Variants in LMBR1L observed in about 807,000 individuals in gnomAD.
LMBR1L encodes the protein limb development membrane protein 1 like.
A neutral mutation model predicts 67.3 loss-of-function variants in LMBR1L; 47 were observed. That is an observed-to-expected ratio of 0.70 (90% CI 0.55 to 0.89). The LOEUF is 0.89. Ranked by LOEUF, LMBR1L falls within the 40% of genes least tolerant of loss-of-function variation. The pLI is 0.00. For synonymous variants in LMBR1L, 247 were observed against 250.3 expected, an observed-to-expected ratio of 0.99 and a Z score of 0.13; for missense variants, 533 against 599.2, an observed-to-expected ratio of 0.89 and a Z score of 1.15.
intron 2 of LMBR1L, chr12:49,106,361 G>A (rs920085019): frequency 2.7e-6 from 1 of 371,220 alleles, no homozygotes; most frequent in African/African-American, 2.1e-5. Context: ...GTCCCCAGGG[G>A]AATTACTCTT....
rs754647057 is a variant in LMBR1L, at chr12:49,104,901, GA to G, written c.192-17del. 1.9e-6 allele frequency: 3 copies of G among 1,605,070 alleles called. No individual in the cohort carries two copies. In the East Asian group the frequency reaches 6.7e-5, roughly 36 times the overall value. On this transcript the variant is annotated splice_polypyrimidine_tract_variant and intron_variant, in intron 3 of 16. Coordinates refer to ENST00000267102, the MANE Select transcript of LMBR1L (RefSeq NM_018113.4). ...CAGCTCGAGCCTGGGCAGAGAAGGG[GA>G]CAGTGTCCTTGCTTAGCTCAGCACT... is the stretch of plus-strand genomic sequence containing the variant.
chr12:49,107,177 G>A lies in LMBR1L; in HGVS notation c.73-132C>T, dbSNP rs78798784. 6,545 of 662,146 alleles carry A rather than the reference G, an allele frequency of 9.9e-3. 298 individuals carry two copies. The African/African-American group carries it at 0.1, about 10-fold the overall frequency. The allele number at this position is 662,146 out of a possible 1,614,324, so 41.0% of individuals were successfully genotyped here. A position where few individuals can be genotyped will look rare whatever the true frequency, so the allele number is the denominator to read the frequency against. On this transcript the variant is annotated intron_variant, in intron 1 of 16. Coordinates refer to ENST00000267102, the MANE Select transcript of LMBR1L (RefSeq NM_018113.4). ...TCCATACTTCCAAGGGTTCCATCTG[G>A]AAGTATGTTCTGTTCTGATCCCCCA...
chr12:49,104,073 G>T, intron 5 of LMBR1L: 1 of 496,714 alleles, frequency 2.0e-6, no homozygotes, highest in South Asian at 3.0e-5. Context: ...GACCTCCGAG[G>T]TCTGCATCCC....
intron 14 of LMBR1L, 47 bp downstream of exon 14, chr12:49,100,509 T>C (rs1940011169): frequency 6.2e-7 from 1 of 1,604,950 alleles, no homozygotes; most frequent in South Asian, 1.1e-5. Context: ...AGGCACCTAG[T>C]GCCCATCCAC....
chr12:49,105,891 A>C, intron 3 of LMBR1L, 33 bp downstream of exon 3: 2 of 1,595,442 alleles, frequency 1.3e-6, no homozygotes. Context: ...CCTAAAGACC[A>C]CTGATGTTAG....
At chr12:49,102,026 G>A in intron 11 of LMBR1L, 94 bp downstream of exon 11, 1 of 1,076,808 alleles carries the variant, frequency 9.3e-7, no homozygotes, top group Non-Finnish European at 1.4e-6. Flanking sequence ...CACTATTACT[G>A]ATGATAACCA....
Position 49,101,496 on chromosome 12 carries a change from C to T in LMBR1L, c.984G>A (p.Glu328=). 1 of 1,614,038 alleles carries T rather than the reference C, an allele frequency of 6.2e-7. No homozygotes were observed. Among genetic ancestry groups the T allele is most frequent in the Admixed American group, 1.7e-5 (1 of 60,010 alleles). ...AIHILELLID[E]AAMPRGMQGT... is the part of the protein sequence containing the mutation. ...CCTGCATGCCTCGGGGCATGGCAGC[C>T]TCATCGATGAGCAGCTCCAGGATGT... The change falls in exon 12 of 17, where the codon GAG becomes GAA. Residue 328 remains glutamate (E), a synonymous_variant. Transcript: ENST00000267102.
At position 49,103,662 on chromosome 12, in the gene LMBR1L, G is replaced by A. The variant is rs371450839; in HGVS notation, c.562+25C>T. 6.2e-6 allele frequency: 10 copies of A among 1,601,302 alleles called. No homozygotes were observed. The African/African-American group carries it at 1.2e-4, about 19-fold the overall frequency. ...CATGGGCCAACTGAAAAGCCATGCAGCCTGGAGGAAGCTGGGCCGCTCACC... is the reference window on the plus strand; with the variant it reads ...CATGGGCCAACTGAAAAGCCATGCAACCTGGAGGAAGCTGGGCCGCTCACC... On this transcript the variant is annotated intron_variant, in intron 6 of 16. Coordinates refer to ENST00000267102, the MANE Select transcript of LMBR1L (RefSeq NM_018113.4).
At chr12:49,097,828 G>A in intron 16 of LMBR1L, 89 bp from the exon 17 acceptor site, 2 of 1,594,904 alleles carry the variant, frequency 1.3e-6, no homozygotes, top group Non-Finnish European at 1.7e-6. Context: ...GTGTGGATGA[G>A]GTACGTTACC....
chr12:49,109,012 C>G (rs980829038), intron 1 of LMBR1L, among the ~76,000 whole-genome samples: 2 of 152,080 alleles, frequency 1.3e-5, no homozygotes, highest in Admixed American at 1.3e-4. Flanking sequence ...ATTTTTATAG[C>G]CTGTGTTCTG....
At chr12:49,108,399 TAAAAATAC>T (rs1941162280) in intron 1 of LMBR1L, among the ~76,000 whole-genome samples, 1 of 151,846 alleles carries the variant, frequency 6.6e-6, no homozygotes, top group African/African-American at 2.4e-5. Flanking sequence ...CTGTCTCTAC[TAAAAATAC>T]AAAAATTAGC....
At chr12:49,108,679 A>C (rs559788355) in intron 1 of LMBR1L, among the ~76,000 whole-genome samples, 40 of 152,016 alleles carry the variant, frequency 2.6e-4, no homozygotes, top group African/African-American at 9.4e-4. Flanking sequence ...GGTTGCAGTG[A>C]GCAGAGATAA....
rs1345396897 is a variant in LMBR1L, at chr12:49,104,442, A to G, written c.435+6T>C. On this transcript the variant is annotated splice_donor_region_variant and intron_variant, in intron 5 of 16. Transcript: ENST00000267102. ...TTTCCTGCCTGGATACATATCCCCT[A>G]CTTACCTTTCTGGAGCCAGCAAAGC... The G allele has an allele frequency of 6.3e-7, 1 of 1,586,848 alleles. No individual in the cohort carries two copies. The highest frequency in any genetic ancestry group is 1.7e-5 in the Admixed American group (1 of 59,914).
rs1592207179 is a variant in LMBR1L at position 49,101,914 on chromosome 12, C to G, written c.930+206G>C. On this transcript the variant is annotated intron_variant, in intron 11 of 16. Transcript: ENST00000267102. ...ACTGGCCCTGTGTCTTTGGGCAAGT[C>G]ACTCAACTCTGTCTCTTCGTCTACA... 2.4e-5 allele frequency: 14 copies of G among 595,680 alleles called. No individual in the cohort carries two copies. The East Asian group carries it at 3.9e-4, about 17-fold the overall frequency. 36.9% of individuals were successfully genotyped at this position (595,680 alleles called of 1,614,324 possible). A position where few individuals can be genotyped will look rare whatever the true frequency, so the allele number is the denominator to read the frequency against.
chr12:49,107,894 C>T (rs559752217), intron 1 of LMBR1L, among the ~76,000 whole-genome samples: 53 of 152,242 alleles, frequency 3.5e-4, no homozygotes, highest in African/African-American at 1.2e-3. Flanking sequence ...TTTGGGAGGC[C>T]GAGGCAGATG....
intron 1 of LMBR1L, chr12:49,109,714 T>C (rs1400565610): frequency 4.4e-6 from 2 of 456,602 alleles, no homozygotes; most frequent in Non-Finnish European, 8.8e-6. Context: ...TAAGCTCCAC[T>C]GGGTACCCCT....
chr12:49,103,889 C>A, intron 5 of LMBR1L, 76 bp from the exon 6 acceptor site: 1 of 1,474,748 alleles, frequency 6.8e-7, no homozygotes, highest in Non-Finnish European at 9.2e-7. Context: ...AGGCAGCCTG[C>A]AGGAACCAGA....
intron 1 of LMBR1L, chr12:49,109,602 A>G (rs1941305842): frequency 2.3e-6 from 1 of 431,252 alleles, no homozygotes; most frequent in African/African-American, 2.1e-5. Flanking sequence ...CTTTCCATTT[A>G]CTATCTGGAG....
chr12:49,105,671 C>T (rs934941312), intron 3 of LMBR1L, among the ~76,000 whole-genome samples: 5 of 152,164 alleles, frequency 3.3e-5, no homozygotes, highest in African/African-American at 7.2e-5. Flanking sequence ...GAGCCATTTC[C>T]GGTGACTCAG....
Sources: allele counts gnomAD v4.1 joint callset (sites outside exome capture counted in the v4.1 genomes callset), GRCh38; gene constraint gnomAD v4.1.1; transcripts MANE v1.5; gene names NCBI Gene and HGNC (gene_info 2026-07-23, HGNC 2026-07-21).